LYST: variants seen among roughly 807,000 people sequenced by gnomAD.
LYST encodes the protein lysosomal-trafficking regulator.
In LYST, 192 loss-of-function variants were observed where a neutral mutation model predicts 413.6. The observed-to-expected ratio is 0.46, with a 90% confidence interval of 0.41 to 0.52. LYST has a LOEUF of 0.52. Ranked by LOEUF, LYST falls within the 20% of genes least tolerant of loss-of-function variation. LYST has a pLI of 0.00. For synonymous variants in LYST, 1,525 were observed against 1,567.3 expected (o/e 0.97, Z 0.64); for missense variants, 3,815 against 4,499.9 (o/e 0.85, Z 4.35).
In LYST at chr1:235,693,506, A is replaced by G. The variant is rs755538881; in HGVS notation, c.10565-20T>C. The G allele has an allele frequency of 2.1e-5, 34 of 1,613,886 alleles. No homozygotes were observed. Among genetic ancestry groups the G allele is most frequent in the Non-Finnish European group, 2.6e-5 (31 of 1,179,976 alleles). On this transcript the variant is annotated intron_variant, in intron 46 of 52. Coordinates refer to ENST00000389793, the MANE Select transcript of LYST (RefSeq NM_000081.4). ...TCACACCTCAAGGAGAAGGAGAAAG[A>G]AAAGTATCAGATTGTCACTGCTCGA...
intron 1 of LYST, among the ~76,000 whole-genome samples, chr1:235,875,757 T>TGGCTTGAGCCCAGGAGTTTGAGGC (rs1681106561): frequency 6.6e-6 from 1 of 151,928 alleles, no homozygotes; most frequent in Non-Finnish European, 1.5e-5. Context: ...GGCAGGAGGA[T>TGGCTTGAGCCCAGGAGTTTGAGGC]GGCTTGAGCC....
chr1:235,697,042 A>G (rs1313468416), intron 46 of LYST, 41 bp downstream of exon 46: 2 of 1,576,006 alleles, frequency 1.3e-6, no homozygotes, highest in South Asian at 1.1e-5. Context: ...AAATCTCACG[A>G]AAGATATATC....
upstream of LYST, among the ~76,000 whole-genome samples, chr1:235,869,583 A>G (rs894703332): frequency 4.6e-5 from 7 of 152,246 alleles, no homozygotes; most frequent in Non-Finnish European, 7.3e-5. Context: ...ATAATCTTCA[A>G]TGAGATTGTA....
At chr1:235,873,781 A>G (rs1312830414) in intron 1 of LYST, among the ~76,000 whole-genome samples, 1 of 152,242 alleles carries the variant, frequency 6.6e-6, no homozygotes, top group African/African-American at 2.4e-5. Flanking sequence ...TTATTTTGGA[A>G]GAGCAAACTA....
intron 31 of LYST, among the ~76,000 whole-genome samples, chr1:235,739,399 A>AT (rs1665133718): frequency 6.6e-6 from 1 of 152,088 alleles, no homozygotes. Flanking sequence ...CTAGTCCAAC[A>AT]TTTTTTCCCA....
chr1:235,738,896 C>T, intron 31 of LYST: 2 of 741,036 alleles, frequency 2.7e-6, no homozygotes, highest in Non-Finnish European at 5.0e-6. Flanking sequence ...GAATCTCAGA[C>T]CGTGTGAAGG....
At chr1:235,865,676 A>C (rs1269083550) in intron 1 of LYST, among the ~76,000 whole-genome samples, 3 of 152,234 alleles carry the variant, frequency 2.0e-5, no homozygotes, top group Admixed American at 2.0e-4. Flanking sequence ...GCTCTTTAAA[A>C]CAGATACCCC....
At chr1:235,827,891 G>A (rs551304416) in intron 3 of LYST, 1 of 708,124 alleles carries the variant, frequency 1.4e-6, no homozygotes, top group South Asian at 6.4e-5. Context: ...AATAGACTTG[G>A]TTCCAGAATA....
intron 48 of LYST, among the ~76,000 whole-genome samples, chr1:235,679,314 G>C (rs1659627320): frequency 6.6e-6 from 1 of 152,064 alleles, no homozygotes; most frequent in South Asian, 2.1e-4. Flanking sequence ...ACCCATTTCA[G>C]ATCATGCTTT....
intron 11 of LYST, among the ~76,000 whole-genome samples, chr1:235,792,708 G>C (rs1387567909): frequency 6.7e-6 from 1 of 150,282 alleles, no homozygotes; most frequent in Non-Finnish European, 1.5e-5. Flanking sequence ...TTGTTGCCCA[G>C]GCTGGAGTGC....
intron 6 of LYST, among the ~76,000 whole-genome samples, chr1:235,805,069 C>T (rs1442667405): frequency 6.6e-6 from 1 of 152,136 alleles, no homozygotes; most frequent in Non-Finnish European, 1.5e-5. Context: ...TAGGAAGAGC[C>T]TGTTGGCTGA....
In LYST at chr1:235,809,142, C is replaced by T. The variant is rs138011756; in HGVS notation, c.1676G>A (p.Arg559His). 2.2e-5 allele frequency: 35 copies of T among 1,613,894 alleles called. No individual in the cohort carries two copies. The Admixed American group carries it at 3.7e-4, about 17-fold the overall frequency. ...CIAVCAHQCL[R>H]LLQQASLSST... ...GCTCAAGGAAGCCTGCTGTAGTAAG[C>T]GCAAGCACTGATGGGCACACACTGC... is the stretch of plus-strand genomic sequence containing the variant. Residue 559 changes from arginine to histidine, a missense_variant, in exon 5 of 53, where the codon CGC (arginine) becomes CAC (histidine). This residue lies in a region of LYST where 1,648 missense variants were observed against 1,810.3 expected (regional missense o/e 0.91). Transcript: ENST00000389793. The surrounding 1 kb of genome is among the most constrained non-coding windows in gnomAD (Gnocchi z 4.0).
At chr1:235,798,519 A>C (rs1671808673) in intron 10 of LYST, among the ~76,000 whole-genome samples, 1 of 136,246 alleles carries the variant, frequency 7.3e-6, no homozygotes, top group African/African-American at 2.7e-5. Flanking sequence ...TGGAGGTTGC[A>C]GTGAGCTGAG....
At chr1:235,769,044 C>T (rs1228893448) in intron 20 of LYST, among the ~76,000 whole-genome samples, 1 of 151,998 alleles carries the variant, frequency 6.6e-6, no homozygotes, top group African/African-American at 2.4e-5. Flanking sequence ...AAACCATATC[C>T]CTGCTTTCAG....
chr1:235,751,414 T>G, intron 27 of LYST, 52 bp from the exon 28 acceptor site: 1 of 1,441,724 alleles, frequency 6.9e-7, no homozygotes, highest in Non-Finnish European at 9.7e-7. Flanking sequence ...TACTAATTTT[T>G]TAATTGAACT....
intron 1 of LYST, among the ~76,000 whole-genome samples, chr1:235,841,710 C>T (rs1677231233): frequency 6.6e-6 from 1 of 151,980 alleles, no homozygotes; most frequent in Non-Finnish European, 1.5e-5. Context: ...GGCGGGGAAG[C>T]AGGAGGGGAC....
chr1:235,810,077 G>A lies in LYST; in HGVS notation c.741C>T (p.Ile247=). The A allele has an allele frequency of 1.9e-6, 3 of 1,613,970 alleles. No homozygotes were observed. Among genetic ancestry groups the A allele is most frequent in the South Asian group, 1.1e-5 (1 of 91,074 alleles). ...CAAATGGAGAATTGTTCATGTTACTGATAACAGACAAGGCAGCTGGCTCAC... is the reference window on the plus strand; with the variant it reads ...CAAATGGAGAATTGTTCATGTTACTAATAACAGACAAGGCAGCTGGCTCAC... ...ILSEPAALSV[I]SNMNNSPFDL... Residue 247 remains isoleucine, a synonymous_variant, in exon 5 of 53, where the codon ATC becomes ATT. Transcript: ENST00000389793.
At position 235,805,965 on chromosome 1, in the gene LYST, C is replaced by T. The variant is rs773677640; in HGVS notation, c.3171G>A (p.Lys1057=). 8.7e-6 allele frequency: 14 copies of T among 1,613,552 alleles called. No individual in the cohort carries two copies. The highest frequency in any genetic ancestry group is 1.2e-5 in the Non-Finnish European group (14 of 1,179,584). ...PIPSELGSLK[K]SADSLGKLEL... ...CTAATTTACCTAAACTGTCAGCACTCTTTTTTAGACTACCTAGTTCTGATG... is the reference window on the plus strand; with the variant it reads ...CTAATTTACCTAAACTGTCAGCACTTTTTTTTAGACTACCTAGTTCTGATG... The change falls in exon 6 of 53, where the codon AAG becomes AAA. Residue 1057 remains lysine (K), a synonymous_variant. Transcript: ENST00000389793.
intron 23 of LYST, among the ~76,000 whole-genome samples, chr1:235,758,136 G>A (rs1055110168): frequency 2.0e-5 from 3 of 152,134 alleles, no homozygotes; most frequent in African/African-American, 7.2e-5. Context: ...TTCATAAAAG[G>A]AATGCTCTCT....
Sources: allele counts gnomAD v4.1 joint callset (sites outside exome capture counted in the v4.1 genomes callset), GRCh38; gene constraint gnomAD v4.1.1; regional missense constraint gnomAD v4.1.1; non-coding constraint Gnocchi (gnomAD v3.1); transcripts MANE v1.5; gene names NCBI Gene and HGNC (gene_info 2026-07-23, HGNC 2026-07-21).